Variants in ATP11A observed in about 807,000 individuals in gnomAD.
ATP11A encodes the protein ATPase phospholipid transporting 11A, also known as phospholipid-transporting ATPase IH.
ATP11A carries 81 observed loss-of-function variants against 154.4 expected under a neutral mutation model. The ratio of observed to expected loss-of-function variants is 0.52; its 90% CI spans 0.44 to 0.63. The LOEUF (loss-of-function observed/expected upper bound fraction) is 0.63, where lower values mean the gene tolerates loss of function less well. ATP11A is among the 30% of genes least tolerant of loss of function. The pLI is 0.00. For missense variants in ATP11A, 1,316 were observed against 1,474.3 expected (o/e 0.89, Z 1.76); for synonymous variants, 623 against 585.9 (o/e 1.06, Z -0.91).
chr13:112,835,735 C>T (rs965826312), intron 15 of ATP11A, among the ~76,000 whole-genome samples: 3 of 152,240 alleles, frequency 2.0e-5, no homozygotes, highest in Non-Finnish European at 2.9e-5. Flanking sequence ...CTGAGTCTTC[C>T]GGTAACAGGA....
intron 1 of ATP11A, among the ~76,000 whole-genome samples, chr13:112,767,617 A>G (rs1394146477): frequency 1.3e-5 from 2 of 151,814 alleles, no homozygotes; most frequent in East Asian, 1.9e-4. Flanking sequence ...TCATCTGCAC[A>G]TAATTGGCTT....
At chr13:112,705,061 C>T (rs1391882288) in intron 1 of ATP11A, among the ~76,000 whole-genome samples, 3 of 152,276 alleles carry the variant, frequency 2.0e-5, no homozygotes, top group Admixed American at 6.5e-5. Flanking sequence ...AGTGAGGTGA[C>T]GTGATTTCAC....
intron 1 of ATP11A, among the ~76,000 whole-genome samples, chr13:112,693,777 C>A (rs1007218211): frequency 7.2e-5 from 11 of 152,080 alleles, no homozygotes; most frequent in Non-Finnish European, 1.6e-4. Context: ...CATGGTGAAA[C>A]CCTGTCTCTA....
At chr13:112,812,897 G>A (rs967146442) in intron 5 of ATP11A, among the ~76,000 whole-genome samples, 3 of 152,140 alleles carry the variant, frequency 2.0e-5, no homozygotes, top group African/African-American at 4.8e-5. Context: ...GGCCTTCAAC[G>A]CCATTTCCTT....
chr13:112,798,900 C>G (rs1243609962), intron 2 of ATP11A, among the ~76,000 whole-genome samples: 2 of 152,108 alleles, frequency 1.3e-5, no homozygotes, highest in Non-Finnish European at 2.9e-5. Context: ...AAAACAAGAC[C>G]TAACCATATG....
chr13:112,714,836 A>G (rs1190548306), intron 1 of ATP11A, among the ~76,000 whole-genome samples: 1 of 152,218 alleles, frequency 6.6e-6, no homozygotes. Context: ...TGCACAGTTC[A>G]GTGCTTTAGC....
intron 16 of ATP11A, among the ~76,000 whole-genome samples, chr13:112,839,552 G>A (rs1407798180): frequency 1.3e-5 from 2 of 152,310 alleles, no homozygotes; most frequent in East Asian, 3.9e-4. Flanking sequence ...CTTGGTCCCA[G>A]AGGGGACAGC....
chr13:112,782,215 C>G (rs1381165899), intron 1 of ATP11A, among the ~76,000 whole-genome samples: 1 of 152,232 alleles, frequency 6.6e-6, no homozygotes. Flanking sequence ...GATCGTTCCT[C>G]CATGAGACAG....
chr13:112,690,437 G>T lies in ATP11A; in HGVS notation c.21G>T (p.Arg7=). 1 of 1,350,676 alleles carries T rather than the reference G, an allele frequency of 7.4e-7. No homozygotes were observed. Among genetic ancestry groups the T allele is most frequent in the African/African-American group, 1.5e-5 (1 of 67,218 alleles). 83.7% of individuals were successfully genotyped at this position (1,350,676 alleles called of 1,614,324 possible). MDCSLV[R]TLVHRYCAGE... ...GAGCCATGGACTGCAGCCTCGTGCG[G>T]ACGCTCGTGCACAGATACGTGAGTG... The change falls in exon 1 of 30, where the codon CGG becomes CGT. Residue 7 remains arginine (R), a synonymous_variant. Transcript: ENST00000375645. The surrounding 1 kb of genome is among the most constrained non-coding windows in gnomAD (Gnocchi z 5.6).
At chr13:112,695,213 A>G (rs956072333) in intron 1 of ATP11A, among the ~76,000 whole-genome samples, 2 of 152,208 alleles carry the variant, frequency 1.3e-5, no homozygotes, top group Non-Finnish European at 1.5e-5. Context: ...TTAGCTGCCA[A>G]GGTCTTCAGG....
At chr13:112,826,951 G>A (rs1438338282) in intron 12 of ATP11A, 60 bp downstream of exon 12, 4 of 1,556,862 alleles carry the variant, frequency 2.6e-6, no homozygotes, top group African/African-American at 1.4e-5. Flanking sequence ...TCTGCTTCAC[G>A]TTCCTCAGGT....
Position 112,882,130 on chromosome 13 carries a change from G to C in ATP11A, c.*264G>C, listed in dbSNP as rs2080901833. ...TCCTGGCCCCCAGCAGGCAAGGAGGGGGGTCACAGGCCTTGCCCTCGAGCA... is the reference window on the plus strand; with the variant it reads ...TCCTGGCCCCCAGCAGGCAAGGAGGCGGGTCACAGGCCTTGCCCTCGAGCA... On this transcript the variant is annotated 3_prime_UTR_variant, in exon 30 of 30. Transcript: ENST00000375645. The surrounding 1 kb of genome is among the most constrained non-coding windows in gnomAD (Gnocchi z 5.1). The C allele has an allele frequency of 2.3e-6, 3 of 1,329,790 alleles. No individual in the cohort carries two copies. The highest frequency in any genetic ancestry group is 2.4e-5 in the South Asian group (2 of 83,508). The allele number at this position is 1,329,790 out of a possible 1,614,324, so 82.4% of individuals were successfully genotyped here. A position where few individuals can be genotyped will look rare whatever the true frequency, so the allele number is the denominator to read the frequency against.
intron 1 of ATP11A, chr13:112,745,643 G>A (rs548102187): frequency 6.6e-6 from 1 of 152,256 alleles, no homozygotes; most frequent in South Asian, 2.1e-4. Flanking sequence ...AATCATATGA[G>A]AATGAGTGAG....
chr13:112,837,205 CA>C lies in ATP11A; in HGVS notation c.1705+955del, dbSNP rs1454408426. On this transcript the variant is annotated intron_variant, in intron 16 of 29. Coordinates refer to ENST00000375645, the MANE Select transcript of ATP11A (RefSeq NM_015205.3). Reference sequence around the variant, plus strand: ...CTCCCACCGCCCCCTCTGAGGCTCTCACTCACCTTCATCACCAGGTTGTCCT... The same window carrying C: ...CTCCCACCGCCCCCTCTGAGGCTCTCCTCACCTTCATCACCAGGTTGTCCT... 2.0e-5 allele frequency among the ~76,000 whole-genome samples: 3 copies of C among 152,234 alleles called. No homozygotes were observed. The East Asian group carries it at 5.8e-4, about 29-fold the overall frequency.
chr13:112,699,299 T>G (rs1886238673), intron 1 of ATP11A, among the ~76,000 whole-genome samples: 1 of 152,242 alleles, frequency 6.6e-6, no homozygotes, highest in East Asian at 1.9e-4. Flanking sequence ...GTAACCACCC[T>G]CTACCCCGTT....
chr13:112,854,139 C>G (rs2079853561), intron 18 of ATP11A, 140 bp from the exon 19 acceptor site: 1 of 1,141,102 alleles, frequency 8.8e-7, no homozygotes, highest in Non-Finnish European at 1.2e-6. Context: ...GTGGTGAGAT[C>G]ATGAGCCACA....
intron 29 of ATP11A, chr13:112,880,770 C>G (rs1389608113): frequency 3.5e-6 from 4 of 1,158,266 alleles, no homozygotes; most frequent in Non-Finnish European, 4.4e-6. Flanking sequence ...AAAGAGCAGC[C>G]CTCTTTACAC....
Position 112,706,381 on chromosome 13 carries a change from A to G in ATP11A, c.39+15926A>G, listed in dbSNP as rs773401245. Among the ~76,000 whole-genome samples, 3 of 152,370 alleles carry G rather than the reference A, an allele frequency of 2.0e-5. No individual in the cohort carries two copies. In the South Asian group the frequency reaches 6.2e-4, roughly 32 times the overall value. Reference sequence around the variant, plus strand: ...CATAAAAGCGTGATGTTCAGCAGGCAGGACATTTAAATCATACAGCTCATA... The same window carrying G: ...CATAAAAGCGTGATGTTCAGCAGGCGGGACATTTAAATCATACAGCTCATA... On this transcript the variant is annotated intron_variant, in intron 1 of 29. Transcript: ENST00000375645.
At position 112,886,144 on chromosome 13, in the gene ATP11A, G is replaced by A. The variant is rs2080977851; in HGVS notation, c.*4278G>A. 1 of 152,284 alleles carries A rather than the reference G, an allele frequency of 6.6e-6. No homozygotes were observed. The highest frequency in any genetic ancestry group is 2.4e-5 in the African/African-American group (1 of 41,474). 9.4% of individuals were successfully genotyped at this position (152,284 alleles called of 1,614,324 possible). A position where few individuals can be genotyped will look rare whatever the true frequency, so the allele number is the denominator to read the frequency against. The stretch of plus-strand genomic sequence containing the variant: ...GCCCCAGTCAACCCAGCCTGTGTCT[G>A]AGCAGACAGGGCGAACAAGCAGGCC... On this transcript the variant is annotated 3_prime_UTR_variant, in exon 30 of 30. Transcript: ENST00000375645.
Sources: allele counts gnomAD v4.1 joint callset (sites outside exome capture counted in the v4.1 genomes callset), GRCh38; gene constraint gnomAD v4.1.1; non-coding constraint Gnocchi (gnomAD v3.1); transcripts MANE v1.5; gene names NCBI Gene and HGNC (gene_info 2026-07-23, HGNC 2026-07-21).